Variants in UGP2 observed in about 807,000 individuals in gnomAD.
The protein encoded by UGP2 is UTP--glucose-1-phosphate uridylyltransferase.
In UGP2, 40 loss-of-function variants were observed where a neutral mutation model predicts 49.0. That is an observed-to-expected ratio of 0.82 (90% CI 0.63 to 1.06). UGP2 has a LOEUF of 1.06. UGP2 is among the 50% of genes least tolerant of loss of function. The pLI is 0.00. For synonymous variants in UGP2, 225 were observed against 213.0 expected (o/e 1.06, Z -0.49); for missense variants, 460 against 603.5 (o/e 0.76, Z 2.49).
intron 8 of UGP2, chr2:63,889,800 G>C: frequency 4.0e-6 from 1 of 248,252 alleles, no homozygotes; most frequent in Non-Finnish European, 7.6e-6. Flanking sequence ...TCTGGCTCTT[G>C]GCATGTTGAT....
Position 63,868,478 on chromosome 2 carries a change from C to T in UGP2, c.255+10542C>T, listed in dbSNP as rs145826654. Among the ~76,000 whole-genome samples, 941 of 152,192 alleles carry T rather than the reference C, an allele frequency of 6.2e-3. 6 individuals carry two copies. The highest frequency in any genetic ancestry group is 0.02 in the African/African-American group (850 of 41,518). On this transcript the variant is annotated intron_variant, in intron 3 of 9. Transcript: ENST00000337130. Reference sequence around the variant, plus strand: ...TCACGGTAGTGTGAGCATATCAGCTCCTGTTACTTCTGGGGATTCTCTTAT... The same window carrying T: ...TCACGGTAGTGTGAGCATATCAGCTTCTGTTACTTCTGGGGATTCTCTTAT...
rs1401973371 is a variant in UGP2 at position 63,886,290 on chromosome 2, A to G, written c.874-51A>G. 12 of 1,557,628 alleles carry G rather than the reference A, an allele frequency of 7.7e-6. No homozygotes were observed. In the African/African-American group the frequency reaches 1.6e-4, roughly 21 times the overall value. The stretch of plus-strand genomic sequence containing the variant: ...AATCACTATCTTTGTATTTACAAAA[A>G]AATGCACTTGAGACTGATGTGGAGG... On this transcript the variant is annotated intron_variant, in intron 6 of 9. Transcript: ENST00000337130.
rs1669936232 is a variant in UGP2 at position 63,862,755 on chromosome 2, C to T, written c.255+4819C>T. ...ATACTACTATTTGAACATTGCCAGT[C>T]CCTCCAATTCCAATTTCCACCCCAC... On this transcript the variant is annotated intron_variant, in intron 3 of 9. Transcript: ENST00000337130. 8 of 451,764 alleles carry T rather than the reference C, an allele frequency of 1.8e-5. 1 individual carries two copies. The highest frequency in any genetic ancestry group is 1.3e-4 in the South Asian group (8 of 63,878). 28.0% of individuals were successfully genotyped at this position (451,764 alleles called of 1,614,324 possible). A position where few individuals can be genotyped will look rare whatever the true frequency, so the allele number is the denominator to read the frequency against.
intron 1 of UGP2, among the ~76,000 whole-genome samples, chr2:63,853,035 G>A (rs761253322): frequency 2.0e-5 from 3 of 152,128 alleles, no homozygotes; most frequent in Non-Finnish European, 4.4e-5. Flanking sequence ...GCACATGTTT[G>A]AGTGATCAGT....
intron 3 of UGP2, among the ~76,000 whole-genome samples, chr2:63,880,381 C>T (rs919489559): frequency 6.6e-6 from 1 of 151,936 alleles, no homozygotes; most frequent in African/African-American, 2.4e-5. Context: ...ACCATGTTGC[C>T]CAGACTAGTC....
At chr2:63,855,625 T>C (rs752618785) in intron 1 of UGP2, 2 of 421,330 alleles carry the variant, frequency 4.7e-6, no homozygotes, top group Non-Finnish European at 9.5e-6. Context: ...CACTGCAGCC[T>C]CTGCCTCCTC....
Position 63,842,470 on chromosome 2 carries a change from C to A in UGP2, c.19+266C>A, listed in dbSNP as rs760720585. On this transcript the variant is annotated intron_variant, in intron 1 of 9. Coordinates refer to ENST00000337130, the MANE Select transcript of UGP2 (RefSeq NM_006759.4). The stretch of plus-strand genomic sequence containing the variant: ...GTACCGTCGCTTTCCTGGATAGTGG[C>A]TGTAAGTGATAAAACAGGATTTTTG... The A allele has an allele frequency of 1.9e-6, 3 of 1,539,940 alleles. No individual in the cohort carries two copies. In the Admixed American group the frequency reaches 5.9e-5, roughly 30 times the overall value.
intron 3 of UGP2, among the ~76,000 whole-genome samples, chr2:63,860,845 C>G (rs1300284999): frequency 1.4e-5 from 2 of 142,660 alleles, no homozygotes. Context: ...CTCAAGTGAT[C>G]CTCCTGCCTT....
At chr2:63,858,448 A>G (rs139381486) in intron 3 of UGP2, among the ~76,000 whole-genome samples, 21 of 151,954 alleles carry the variant, frequency 1.4e-4, no homozygotes, top group Admixed American at 4.6e-4. Context: ...TCCTAGTTAG[A>G]GGTACGTTTA....
rs942682209 is a variant in UGP2, at chr2:63,882,625, C to A, written c.415C>A (p.Leu139Met). ...TGGTGTGAGGAATGAGAATACCTTT[C>A]TGGATCTGACTGTTCAGCAAATTGA... ...LIGVRNENTF[L>M]DLTVQQIEHL... Residue 139 changes from leucine to methionine, a missense_variant, in exon 4 of 10, where the codon CTG becomes ATG. Transcript: ENST00000337130. The A allele has an allele frequency of 1.3e-6, 2 of 1,585,110 alleles. No homozygotes were observed. Among genetic ancestry groups the A allele is most frequent in the Middle Eastern group, 1.7e-4 (1 of 5,958 alleles).
intron 8 of UGP2, chr2:63,889,592 C>T (rs1004166165): frequency 2.6e-5 from 4 of 152,556 alleles, no homozygotes; most frequent in African/African-American, 9.7e-5. Context: ...TCACATAGGA[C>T]AATCTCTAGT....
At chr2:63,855,650 TC>T (rs1309040663) in intron 1 of UGP2, 1 of 437,708 alleles carries the variant, frequency 2.3e-6, no homozygotes, top group African/African-American at 2.1e-5. Context: ...CAAGGTATCC[TC>T]CTGCTTCAGC....
chr2:63,842,444 A>G lies in UGP2; in HGVS notation c.19+240A>G, dbSNP rs576508329. On this transcript the variant is annotated intron_variant, in intron 1 of 9. Coordinates refer to ENST00000337130, the MANE Select transcript of UGP2 (RefSeq NM_006759.4). ...TTTGCCTCCCTGAAATCAGGTTAGT[A>G]GTACCGTCGCTTTCCTGGATAGTGG... The G allele has an allele frequency of 7.1e-6, 11 of 1,551,496 alleles. No individual in the cohort carries two copies. The South Asian group carries it at 1.3e-4, about 18-fold the overall frequency.
intron 1 of UGP2, among the ~76,000 whole-genome samples, chr2:63,852,043 G>A (rs1376118395): frequency 6.6e-6 from 1 of 152,104 alleles, no homozygotes; most frequent in Non-Finnish European, 1.5e-5. Flanking sequence ...TACCCTTATG[G>A]CTTACTGGCC....
chr2:63,890,289 GT>G, intron 9 of UGP2, 104 bp downstream of exon 9: 1 of 774,508 alleles, frequency 1.3e-6, no homozygotes, highest in East Asian at 2.8e-5. Context: ...GTTAGTCTTA[GT>G]GCCACCTTAA....
At chr2:63,888,213 GTTGA>G (rs1461899801) in intron 8 of UGP2, 8 of 154,412 alleles carry the variant, frequency 5.2e-5, no homozygotes, top group African/African-American at 1.9e-4. Flanking sequence ...GCCTCATTGA[GTTGA>G]TTGAGTCTGA....
intron 1 of UGP2, among the ~76,000 whole-genome samples, chr2:63,853,384 CTT>C (rs1282015607): frequency 6.6e-6 from 1 of 151,868 alleles, no homozygotes; most frequent in African/African-American, 2.4e-5. Flanking sequence ...ATCAAGATAG[CTT>C]TATCTTGATT....
At chr2:63,883,902 C>A in intron 4 of UGP2, 58 bp from the exon 5 acceptor site, 1 of 1,549,732 alleles carries the variant, frequency 6.5e-7, no homozygotes. Context: ...ACTAATTTTG[C>A]ATATTTGAGC....
chr2:63,846,728 G>A (rs542975804), intron 1 of UGP2, among the ~76,000 whole-genome samples: 2 of 152,234 alleles, frequency 1.3e-5, no homozygotes, highest in Non-Finnish European at 2.9e-5. Flanking sequence ...AGCATTCTGG[G>A]GCCTGGTTCT....
Sources: gnomAD v4.1 joint callset for allele counts (sites outside exome capture counted in the v4.1 genomes callset) on GRCh38, gnomAD v4.1.1 for gene constraint, MANE v1.5 for transcripts, NCBI Gene and HGNC (gene_info 2026-07-23, HGNC 2026-07-21) for gene names.